MYO9A: variants seen among roughly 807,000 people sequenced by gnomAD.
The protein encoded by MYO9A is myosin IXA, also known as unconventional myosin-IXa.
MYO9A carries 103 observed loss-of-function variants against 293.3 expected under a neutral mutation model. That is an observed-to-expected ratio of 0.35 (90% CI 0.30 to 0.41). The LOEUF (loss-of-function observed/expected upper bound fraction) is 0.41, where lower values mean the gene tolerates loss of function less well. Among genes scored for constraint, MYO9A ranks in the 10% least tolerant of loss-of-function variants. The pLI is 1.00. For missense variants in MYO9A, 2,685 were observed against 3,033.0 expected (o/e 0.89, Z 2.69); for synonymous variants, 1,001 against 1,035.7 (o/e 0.97, Z 0.64).
At chr15:71,937,706 G>C (rs926041717) in intron 16 of MYO9A, among the ~76,000 whole-genome samples, 7 of 152,058 alleles carry the variant, frequency 4.6e-5, no homozygotes, top group Admixed American at 3.9e-4. Flanking sequence ...ATCCAAAATG[G>C]AAAGTACAAA....
chr15:71,974,207 C>A (rs1288245917), intron 12 of MYO9A, among the ~76,000 whole-genome samples: 1 of 151,832 alleles, frequency 6.6e-6, no homozygotes, highest in Non-Finnish European at 1.5e-5. Context: ...CTACCATGTC[C>A]AACAAAGAGG....
intron 25 of MYO9A, among the ~76,000 whole-genome samples, chr15:71,896,701 G>C (rs963216335): frequency 6.6e-6 from 1 of 151,688 alleles, no homozygotes; most frequent in Non-Finnish European, 1.5e-5. Context: ...AACTGCTTGA[G>C]CCTAGGAGGC....
At chr15:71,878,315 G>A in intron 30 of MYO9A, 84 bp from the exon 31 acceptor site, 1 of 935,542 alleles carries the variant, frequency 1.1e-6, no homozygotes, top group Non-Finnish European at 1.5e-6. Flanking sequence ...TAATGGGGTA[G>A]TATTTAGAAT....
At chr15:71,916,252 G>A (rs2058009189) in intron 19 of MYO9A, 118 bp downstream of exon 19, 9 of 1,229,602 alleles carry the variant, frequency 7.3e-6, no homozygotes, top group Non-Finnish European at 9.9e-6. Context: ...AGTAATATAT[G>A]GCTTTTTAGT....
intron 1 of MYO9A, among the ~76,000 whole-genome samples, chr15:72,091,511 C>A (rs2079908691): frequency 6.6e-6 from 1 of 152,088 alleles, no homozygotes. Context: ...ACTCCTAGAT[C>A]ATAAATAAGC....
chr15:71,967,870 T>A, intron 13 of MYO9A, 114 bp downstream of exon 13: 1 of 979,130 alleles, frequency 1.0e-6, no homozygotes. Flanking sequence ...TTATACAATA[T>A]CTCCAGTTAT....
chr15:71,978,388 A>T, intron 11 of MYO9A, 96 bp from the exon 12 acceptor site: 3 of 994,560 alleles, frequency 3.0e-6, no homozygotes, highest in Non-Finnish European at 4.3e-6. Context: ...TTAAAATTCT[A>T]AGATTTTAAA....
Position 71,826,085 on chromosome 15 carries a change from A to G in MYO9A, c.*495T>C, listed in dbSNP as rs1567170394. The G allele has an allele frequency of 7.1e-6, 1 of 141,604 alleles. No individual in the cohort carries two copies. Among genetic ancestry groups the G allele is most frequent in the Non-Finnish European group, 1.5e-5 (1 of 66,560 alleles). The allele number at this position is 141,604 out of a possible 1,614,324, so 8.8% of individuals were successfully genotyped here. A position where few individuals can be genotyped will look rare whatever the true frequency, so the allele number is the denominator to read the frequency against. On this transcript the variant is annotated 3_prime_UTR_variant, in exon 42 of 42. Coordinates refer to ENST00000356056, the MANE Select transcript of MYO9A (RefSeq NM_006901.4). The stretch of plus-strand genomic sequence containing the variant: ...TCAGAAATCTTAAAATAGAGGGATT[A>G]GGCTTTTTGTTTGTAAGTAAGTTTT...
At chr15:71,937,584 AC>A (rs1173415443) in intron 16 of MYO9A, among the ~76,000 whole-genome samples, 2 of 152,160 alleles carry the variant, frequency 1.3e-5, no homozygotes, top group Admixed American at 1.3e-4. Context: ...TGTAAACATA[AC>A]TTTTATATGC....
At chr15:72,106,918 T>C (rs2080589810) in intron 1 of MYO9A, among the ~76,000 whole-genome samples, 2 of 152,246 alleles carry the variant, frequency 1.3e-5, no homozygotes, top group South Asian at 4.1e-4. Flanking sequence ...CTTAGTAGGA[T>C]ACAGTCTAAG....
At chr15:71,833,122 C>T (rs2054795652) in intron 39 of MYO9A, among the ~76,000 whole-genome samples, 1 of 151,646 alleles carries the variant, frequency 6.6e-6, no homozygotes, top group Admixed American at 6.6e-5. Context: ...ACATAAAAAA[C>T]AGTAGATTTT....
Position 71,826,902 on chromosome 15 carries a change from G to A in MYO9A, c.7325C>T (p.Ala2442Val). 6.2e-7 allele frequency: 1 copy of A among 1,614,072 alleles called. No individual in the cohort carries two copies. The highest frequency in any genetic ancestry group is 8.5e-7 in the Non-Finnish European group (1 of 1,179,974). Residue 2442 changes from alanine (A) to valine (V), a missense_variant, in exon 42 of 42, where the codon GCA (alanine) becomes GTA (valine). Coordinates refer to ENST00000356056, the MANE Select transcript of MYO9A (RefSeq NM_006901.4). ...TAGTTTTCTGGTCCCATGAGATGAT[G>A]CCGTGTTAGACAGACATAAAGAGGA... is the stretch of plus-strand genomic sequence containing the variant. ...SVSSLCLSNTASSHGTRKLFQ... is the reference protein window; with the variant it reads ...SVSSLCLSNTVSSHGTRKLFQ...
intron 28 of MYO9A, among the ~76,000 whole-genome samples, chr15:71,880,992 C>A (rs1199757633): frequency 6.6e-6 from 1 of 152,150 alleles, no homozygotes; most frequent in Non-Finnish European, 1.5e-5. Flanking sequence ...ACAAGTCCAA[C>A]AAACCAGTGG....
chr15:71,857,100 C>T (rs529047975), intron 34 of MYO9A, among the ~76,000 whole-genome samples: 2 of 152,250 alleles, frequency 1.3e-5, no homozygotes, highest in Admixed American at 1.3e-4. Flanking sequence ...ATCCCTATGG[C>T]ATTAGAAATG....
chr15:71,954,228 T>A (rs2146687562), intron 14 of MYO9A, among the ~76,000 whole-genome samples: 1 of 150,024 alleles, frequency 6.7e-6, no homozygotes, highest in South Asian at 2.1e-4. Flanking sequence ...TAAGATGGAG[T>A]CTTGCTCTGT....
At chr15:71,900,872 T>C (rs1301033771) in intron 23 of MYO9A, among the ~76,000 whole-genome samples, 1 of 152,118 alleles carries the variant, frequency 6.6e-6, no homozygotes, top group Admixed American at 6.6e-5. Context: ...CTCTCAAACA[T>C]CACTCCAAAA....
At chr15:72,003,911 T>C (rs1021289694) in intron 8 of MYO9A, among the ~76,000 whole-genome samples, 1 of 152,150 alleles carries the variant, frequency 6.6e-6, no homozygotes, top group Admixed American at 6.5e-5. Context: ...TATTATTCTC[T>C]GCTAATGATC....
intron 33 of MYO9A, among the ~76,000 whole-genome samples, chr15:71,860,253 A>T (rs779386509): frequency 6.6e-6 from 1 of 152,230 alleles, no homozygotes; most frequent in African/African-American, 2.4e-5. Flanking sequence ...TGAAATGAAA[A>T]CTAATTGGGT....
intron 1 of MYO9A, among the ~76,000 whole-genome samples, chr15:72,062,598 A>G (rs551286324): frequency 1.3e-5 from 2 of 152,254 alleles, no homozygotes; most frequent in Admixed American, 1.3e-4. Context: ...GAATTGGTCA[A>G]GCAGGAGAAA....
Sources: gnomAD v4.1 joint callset for allele counts (sites outside exome capture counted in the v4.1 genomes callset) on GRCh38, gnomAD v4.1.1 for gene constraint, MANE v1.5 for transcripts, NCBI Gene and HGNC (gene_info 2026-07-23, HGNC 2026-07-21) for gene names.